Variants in PPIP5K2 observed in about 807,000 individuals in gnomAD.
PPIP5K2 encodes the protein inositol hexakisphosphate and diphosphoinositol-pentakisphosphate kinase 2.
In PPIP5K2, 105 loss-of-function variants were observed where a neutral mutation model predicts 154.6. That is an observed-to-expected ratio of 0.68 (90% confidence interval 0.58 to 0.80). The LOEUF is 0.80. Among genes scored for constraint, PPIP5K2 ranks in the 30% least tolerant of loss-of-function variants. PPIP5K2 has a pLI of 0.00. For missense variants in PPIP5K2, 992 were observed against 1,504.6 expected (o/e 0.66, Z 5.64); for synonymous variants, 480 against 490.3 (o/e 0.98, Z 0.28).
chr5:103,190,979 A>G lies in PPIP5K2; in HGVS notation c.3490A>G (p.Ile1164Val). 2 of 1,602,770 alleles carry G rather than the reference A, an allele frequency of 1.2e-6. No individual in the cohort carries two copies. The highest frequency in any genetic ancestry group is 1.7e-6 in the Non-Finnish European group (2 of 1,176,150). The change falls in exon 29 of 31, where the codon ATT becomes GTT. Residue 1164 changes from isoleucine (I) to valine (V), a missense_variant. By Grantham distance (29) the Ile-to-Val change is conservative (BLOSUM62 3). Around this residue, in one of 9 missense-constraint regions of PPIP5K2, gnomAD observed 131 missense variants for 117.8 expected, o/e 1.11. Coordinates refer to ENST00000358359, the MANE Select transcript of PPIP5K2 (RefSeq NM_001276277.3). Reference protein sequence around the residue: ...SSDVPRKTAEISSTALRSSPI... With the variant: ...SSDVPRKTAEVSSTALRSSPI... ...TGACGTTCCACGGAAGACCGCTGAA[A>G]TTTGTAGGAAATTTTTCTTTCATTG... is the stretch of plus-strand genomic sequence containing the variant.
chr5:103,183,815 C>A (rs1554223969), intron 25 of PPIP5K2, among the ~76,000 whole-genome samples: 1 of 152,004 alleles, frequency 6.6e-6, no homozygotes, highest in African/African-American at 2.4e-5. Flanking sequence ...AAATTAGATT[C>A]AATTTGGAAT....
At chr5:103,197,977 C>T (rs1802376494) in intron 30 of PPIP5K2, among the ~76,000 whole-genome samples, 1 of 151,922 alleles carries the variant, frequency 6.6e-6, no homozygotes, top group Non-Finnish European at 1.5e-5. Context: ...CTTTTATCCT[C>T]TATTTCTAGT....
chr5:103,168,503 A>G (rs2149677754), intron 19 of PPIP5K2, among the ~76,000 whole-genome samples: 1 of 151,936 alleles, frequency 6.6e-6, no homozygotes, highest in South Asian at 2.1e-4. Flanking sequence ...GACTACAGTG[A>G]CTTTTTTTAG....
intron 1 of PPIP5K2, among the ~76,000 whole-genome samples, chr5:103,122,023 C>G (rs1788841353): frequency 6.6e-6 from 1 of 152,156 alleles, no homozygotes; most frequent in Non-Finnish European, 1.5e-5. Flanking sequence ...CAGATACATA[C>G]TAACGTACTT....
intron 23 of PPIP5K2, among the ~76,000 whole-genome samples, chr5:103,178,280 G>A (rs1322980560): frequency 6.6e-6 from 1 of 151,880 alleles, no homozygotes; most frequent in Non-Finnish European, 1.5e-5. Context: ...GTGATGTGCA[G>A]TCCAGTTTTG....
chr5:103,131,690 A>C (rs1206391407), intron 2 of PPIP5K2, among the ~76,000 whole-genome samples: 1 of 152,124 alleles, frequency 6.6e-6, no homozygotes, highest in Admixed American at 6.6e-5. Context: ...ATTCCAGATC[A>C]TTCTCCTGTT....
chr5:103,139,532 T>C (rs1792191123), intron 5 of PPIP5K2, among the ~76,000 whole-genome samples: 2 of 152,160 alleles, frequency 1.3e-5, no homozygotes, highest in South Asian at 2.1e-4. Flanking sequence ...TTTTTGAATA[T>C]GTGGAAAGCT....
At chr5:103,193,731 G>A (rs977086939) in intron 29 of PPIP5K2, among the ~76,000 whole-genome samples, 2 of 152,048 alleles carry the variant, frequency 1.3e-5, no homozygotes, top group African/African-American at 4.8e-5. Context: ...ATCATTCATT[G>A]TAGGTGTCAA....
chr5:103,162,364 T>TC (rs1554216181), intron 17 of PPIP5K2, among the ~76,000 whole-genome samples: 1 of 151,158 alleles, frequency 6.6e-6, no homozygotes, highest in East Asian at 1.9e-4. Flanking sequence ...TTTTTTTTTT[T>TC]GTTTTTTTGT....
chr5:103,126,841 G>C (rs782805990), intron 1 of PPIP5K2, among the ~76,000 whole-genome samples: 1 of 149,840 alleles, frequency 6.7e-6, no homozygotes, highest in East Asian at 2.0e-4. Flanking sequence ...TGCCTTTCCC[G>C]GAACACTGAC....
Position 103,204,240 on chromosome 5 carries a change from A to G in PPIP5K2, c.*2606A>G, listed in dbSNP as rs971875512. On this transcript the variant is annotated 3_prime_UTR_variant, in exon 31 of 31. Coordinates refer to ENST00000358359, the MANE Select transcript of PPIP5K2 (RefSeq NM_001276277.3). ...GAAATTTCTCAGTCTTTGTGTATTT[A>G]TAAGAATTTGCTTTACACATAGTGT... is the stretch of plus-strand genomic sequence containing the variant. 2 of 152,134 alleles carry G rather than the reference A, an allele frequency of 1.3e-5. No individual in the cohort carries two copies. The highest frequency in any genetic ancestry group is 4.8e-5 in the African/African-American group (2 of 41,430). The allele number at this position is 152,134 out of a possible 1,614,324, so 9.4% of individuals were successfully genotyped here. A position where few individuals can be genotyped will look rare whatever the true frequency, so the allele number is the denominator to read the frequency against.
chr5:103,194,847 G>A, intron 29 of PPIP5K2, 53 bp from the exon 30 acceptor site: 1 of 1,558,520 alleles, frequency 6.4e-7, no homozygotes, highest in Non-Finnish European at 8.7e-7. Context: ...ATGATGTTAA[G>A]AGATAATTGG....
chr5:103,147,747 G>A (rs1793974948), intron 6 of PPIP5K2, among the ~76,000 whole-genome samples, 184 bp from the exon 7 acceptor site: 1 of 151,880 alleles, frequency 6.6e-6, no homozygotes, highest in Non-Finnish European at 1.5e-5. Flanking sequence ...ATAAGTTATG[G>A]TAACAATAGA....
rs1803724776 is a variant in PPIP5K2, at chr5:103,210,106, A to G, written c.*8472A>G. 6.6e-6 allele frequency: 1 copy of G among 152,240 alleles called. No homozygotes were observed. The highest frequency in any genetic ancestry group is 2.4e-5 in the African/African-American group (1 of 41,462). The allele number at this position is 152,240 out of a possible 1,614,324, so 9.4% of individuals were successfully genotyped here. A position where few individuals can be genotyped will look rare whatever the true frequency, so the allele number is the denominator to read the frequency against. ...TCGGTGAAATAGATGTAAAAGCCAC[A>G]AAGAGAGAATCAATGAGCCACACTC... On this transcript the variant is annotated 3_prime_UTR_variant, in exon 31 of 31. Coordinates refer to ENST00000358359, the MANE Select transcript of PPIP5K2 (RefSeq NM_001276277.3).
chr5:103,147,966 C>T lies in PPIP5K2; in HGVS notation c.678C>T (p.Ser226=), dbSNP rs1794008035. The T allele has an allele frequency of 6.2e-7, 1 of 1,601,892 alleles. No homozygotes were observed. Residue 226 remains serine, a synonymous_variant, in exon 7 of 31, where the codon AGC becomes AGT. Transcript: ENST00000358359. ...GAAGTAGTGTTTATTCTCCAGAAAG[C>T]AATGTACGAAAAACAGGCTCATATA... is the stretch of plus-strand genomic sequence containing the variant. The part of the protein sequence containing the change: ...GSRSSVYSPE[S]NVRKTGSYIY...
At position 103,158,315 on chromosome 5, in the gene PPIP5K2, T is replaced by TAAAC; in HGVS notation, c.1615+5_1615+6insCAAA. The TAAAC allele has an allele frequency of 6.2e-7, 1 of 1,609,428 alleles. No individual in the cohort carries two copies. Among genetic ancestry groups the TAAAC allele is most frequent in the South Asian group, 1.1e-5 (1 of 90,066 alleles). ...GGTGTATGTATCCTGGAGGTCAAGG[T>TAAAC]AAATCTTAGAGTTTTCTTTAATTTG... On this transcript the variant is annotated splice_region_variant and intron_variant, in intron 15 of 30. Coordinates refer to ENST00000358359, the MANE Select transcript of PPIP5K2 (RefSeq NM_001276277.3).
chr5:103,128,038 T>A (rs1012367574), intron 1 of PPIP5K2, among the ~76,000 whole-genome samples: 2 of 152,192 alleles, frequency 1.3e-5, no homozygotes, highest in African/African-American at 4.8e-5. Flanking sequence ...TCTGCTTTTA[T>A]TTTTAAATTA....
intron 25 of PPIP5K2, chr5:103,184,378 T>C (rs578184780): frequency 4.5e-6 from 1 of 222,600 alleles, no homozygotes; most frequent in South Asian, 9.0e-5. Context: ...GCATTTGGCT[T>C]CTTTTAAGAG....
chr5:103,177,921 G>A lies in PPIP5K2; in HGVS notation c.2695G>A (p.Gly899Ser). 1.2e-6 allele frequency: 2 copies of A among 1,613,320 alleles called. No individual in the cohort carries two copies. The highest frequency in any genetic ancestry group is 2.2e-5 in the East Asian group (1 of 44,826). ...VELHFSPGAKGCEEDKNLPSG... is the reference protein window; with the variant it reads ...VELHFSPGAKSCEEDKNLPSG... ...ATTACACTTTAGTCCGGGAGCCAAA[G>A]GTTGTGAAGAAGACAAAAATTTGCC... Residue 899 changes from glycine (G) to serine (S), a missense_variant, in exon 23 of 31, where the codon GGT (glycine) becomes AGT (serine). Gly to Ser is a moderately conservative substitution (Grantham distance 56). Around this residue, in one of 9 missense-constraint regions of PPIP5K2, gnomAD observed 157 missense variants for 281.2 expected, o/e 0.56. Coordinates refer to ENST00000358359, the MANE Select transcript of PPIP5K2 (RefSeq NM_001276277.3).
Sources: gnomAD v4.1 joint callset for allele counts (sites outside exome capture counted in the v4.1 genomes callset) on GRCh38, gnomAD v4.1.1 for gene constraint, gnomAD v4.1.1 regional missense constraint, MANE v1.5 for transcripts, NCBI Gene and HGNC (gene_info 2026-07-23, HGNC 2026-07-21) for gene names.